FANCC: variants seen among roughly 807,000 people sequenced by gnomAD.
FANCC encodes Fanconi anemia group C protein.
In FANCC, 55 loss-of-function variants were observed where a neutral mutation model predicts 71.3. The observed-to-expected ratio is 0.77, with a 90% CI of 0.62 to 0.97. FANCC has a LOEUF of 0.97. Ranked by LOEUF, FANCC falls within the 50% of genes least tolerant of loss-of-function variation. FANCC has a pLI of 0.00. For synonymous variants in FANCC, 275 were observed against 244.9 expected, an observed-to-expected ratio of 1.12 and a Z score of -1.15; for missense variants, 678 against 670.9, an observed-to-expected ratio of 1.01 and a Z score of -0.12.
rs1831182583 is a variant in FANCC at position 95,249,279 on chromosome 9, A to ATCT, written c.12_13insAGA (p.Asp4_Ser5insArg). 1 of 1,614,134 alleles carries ATCT rather than the reference A, an allele frequency of 6.2e-7. No individual in the cohort carries two copies. The highest frequency in any genetic ancestry group is 1.6e-4 in the Middle Eastern group (1 of 6,062). On this transcript the variant is annotated inframe_insertion, in exon 2 of 15. Transcript: ENST00000289081. ...TGATAATCACAAGAAAGATCTACTG[A>ATCT]ATCTTGAGCCATCTTGGAAAAAGCG...
intron 1 of FANCC, among the ~76,000 whole-genome samples, chr9:95,259,648 T>C (rs1831899133): frequency 6.6e-6 from 1 of 152,154 alleles, no homozygotes; most frequent in African/African-American, 2.4e-5. Flanking sequence ...ACTTCATGAC[T>C]AAAATACCAA....
At chr9:95,260,561 G>A (rs952543012) in intron 1 of FANCC, among the ~76,000 whole-genome samples, 3 of 151,912 alleles carry the variant, frequency 2.0e-5, no homozygotes, top group African/African-American at 7.3e-5. Context: ...ACTAGGAAAG[G>A]GATACCATTA....
At chr9:95,256,883 A>T (rs983782791) in intron 1 of FANCC, among the ~76,000 whole-genome samples, 2 of 152,244 alleles carry the variant, frequency 1.3e-5, no homozygotes, top group Non-Finnish European at 2.9e-5. Context: ...AGGGGTTGCA[A>T]TGCTAGTCTC....
intron 3 of FANCC, among the ~76,000 whole-genome samples, chr9:95,243,681 C>T (rs1454465986): frequency 1.3e-5 from 2 of 151,914 alleles, no homozygotes; most frequent in Non-Finnish European, 2.9e-5. Flanking sequence ...GTAGTCCCAG[C>T]TACTTGGTAG....
intron 6 of FANCC, among the ~76,000 whole-genome samples, chr9:95,152,671 A>C (rs1235391052): frequency 6.6e-6 from 1 of 152,130 alleles, no homozygotes; most frequent in Non-Finnish European, 1.5e-5. Context: ...TTGTGGGTAA[A>C]AGTAGTTTTT....
intron 14 of FANCC, among the ~76,000 whole-genome samples, chr9:95,105,396 C>T (rs1027154226): frequency 1.3e-5 from 2 of 152,188 alleles, no homozygotes; most frequent in East Asian, 3.9e-4. Context: ...TTGTGAAATT[C>T]ATCAAGCTGT....
intron 4 of FANCC, among the ~76,000 whole-genome samples, chr9:95,237,103 T>C (rs1830361552): frequency 6.6e-6 from 1 of 152,232 alleles, no homozygotes; most frequent in Non-Finnish European, 1.5e-5. Flanking sequence ...AATAAATTGT[T>C]AAGAGTTAAA....
chr9:95,188,929 T>C (rs1326589672), intron 4 of FANCC, among the ~76,000 whole-genome samples: 1 of 150,844 alleles, frequency 6.6e-6, no homozygotes, highest in Non-Finnish European at 1.5e-5. Context: ...ACACATAAGT[T>C]ACAAATGATA....
chr9:95,312,023 C>G (rs1564849506), intron 1 of FANCC, among the ~76,000 whole-genome samples: 1 of 152,160 alleles, frequency 6.6e-6, no homozygotes, highest in Non-Finnish European at 1.5e-5. Context: ...GACCACAGTT[C>G]TAATCCTGTC....
intron 1 of FANCC, among the ~76,000 whole-genome samples, chr9:95,286,370 T>G (rs1405225322): frequency 6.6e-6 from 1 of 152,172 alleles, no homozygotes; most frequent in Admixed American, 6.5e-5. Flanking sequence ...TGGAGATGTC[T>G]GGTGTAGGGG....
intron 6 of FANCC, among the ~76,000 whole-genome samples, chr9:95,165,303 T>A (rs1021156379): frequency 2.6e-5 from 4 of 151,966 alleles, no homozygotes; most frequent in Non-Finnish European, 5.9e-5. Flanking sequence ...AGGTTTAGTT[T>A]GTTCTTTTTC....
At chr9:95,173,192 TATGAAAC>T (rs1825793097) in intron 4 of FANCC, among the ~76,000 whole-genome samples, 1 of 152,208 alleles carries the variant, frequency 6.6e-6, no homozygotes, top group Non-Finnish European at 1.5e-5. Context: ...TATGGGGTTC[TATGAAAC>T]ATGTACTCTG....
At chr9:95,196,398 C>A (rs972145908) in intron 4 of FANCC, among the ~76,000 whole-genome samples, 20 of 151,954 alleles carry the variant, frequency 1.3e-4, no homozygotes, top group Non-Finnish European at 2.1e-4. Flanking sequence ...GTGGATTACA[C>A]TGATTGATTT....
intron 7 of FANCC, among the ~76,000 whole-genome samples, chr9:95,148,634 T>C (rs1352171892): frequency 6.6e-6 from 1 of 152,222 alleles, no homozygotes; most frequent in Non-Finnish European, 1.5e-5. Flanking sequence ...ATACTGCATA[T>C]GAAATATGTC....
At chr9:95,195,482 C>T (rs1423562975) in intron 4 of FANCC, among the ~76,000 whole-genome samples, 5 of 152,094 alleles carry the variant, frequency 3.3e-5, no homozygotes, top group Non-Finnish European at 7.4e-5. Context: ...TATGTGTCCA[C>T]GCCTCTGTCA....
chr9:95,258,476 A>C (rs1588371989), intron 1 of FANCC, among the ~76,000 whole-genome samples: 2 of 152,364 alleles, frequency 1.3e-5, no homozygotes, highest in East Asian at 3.9e-4. Flanking sequence ...AAGGCCTTCG[A>C]TAAAATGCAA....
At chr9:95,123,925 A>T (rs1014513539) in intron 10 of FANCC, 6 of 397,814 alleles carry the variant, frequency 1.5e-5, no homozygotes, top group Non-Finnish European at 2.9e-5. Flanking sequence ...AATAAAATGG[A>T]AATTGTACTT....
At chr9:95,260,395 G>A (rs1437245753) in intron 1 of FANCC, among the ~76,000 whole-genome samples, 3 of 152,146 alleles carry the variant, frequency 2.0e-5, no homozygotes, top group Non-Finnish European at 2.9e-5. Flanking sequence ...TTGCAGGGAC[G>A]TGGATGAAGC....
Position 95,195,273 on chromosome 9 carries a change from A to G in FANCC, c.346-23126T>C, listed in dbSNP as rs188651062. ...TTTTTTTTTTTTTGAAAAGTTTTAT[A>G]GTTTTACATTTTACATTTAAATCCC... is the stretch of plus-strand genomic sequence containing the variant. On this transcript the variant is annotated intron_variant, in intron 4 of 14. Transcript: ENST00000289081. Among the ~76,000 whole-genome samples the G allele has an allele frequency of 8.0e-3, 999 of 124,356 alleles. 8 individuals carry two copies. Among genetic ancestry groups the G allele is most frequent in the Middle Eastern group, 0.013 (3 of 226 alleles). 81.6% of individuals were successfully genotyped at this position (124,356 alleles called of 152,430 possible).
Sources: allele counts gnomAD v4.1 joint callset (sites outside exome capture counted in the v4.1 genomes callset), GRCh38; gene constraint gnomAD v4.1.1; transcripts MANE v1.5; gene names NCBI Gene and HGNC (gene_info 2026-07-23, HGNC 2026-07-21).